EXOC3L2: variants seen among roughly 807,000 people sequenced by gnomAD.
The protein encoded by EXOC3L2 is exocyst complex component 3-like protein 2.
A neutral mutation model predicts 44.4 loss-of-function variants in EXOC3L2; 17 were observed. The observed-to-expected ratio is 0.38, with a 90% confidence interval of 0.26 to 0.57. The LOEUF is 0.57. EXOC3L2 is among the 20% of genes least tolerant of loss of function. EXOC3L2 has a pLI of 0.65. For missense variants in EXOC3L2, 541 were observed against 588.4 expected, an observed-to-expected ratio of 0.92 and a Z score of 0.83; for synonymous variants, 256 against 253.7, an observed-to-expected ratio of 1.01 and a Z score of -0.09.
chr19:45,219,007 G>A (rs111406553), intron 8 of EXOC3L2, among the ~76,000 whole-genome samples: 2,082 of 152,114 alleles, frequency 0.014, 47 homozygotes, highest in African/African-American at 0.047. Context: ...GGAAGGCTGC[G>A]GCGGGTGGAT....
In EXOC3L2 at chr19:45,234,469, G is replaced by A. The variant is rs1457472162; in HGVS notation, c.881C>T (p.Ala294Val). The A allele has an allele frequency of 4.0e-6, 1 of 252,608 alleles. No homozygotes were observed. Among genetic ancestry groups the A allele is most frequent in the Non-Finnish European group, 7.6e-6 (1 of 131,998 alleles). 15.6% of individuals were successfully genotyped at this position (252,608 alleles called of 1,614,324 possible). ...CTCTAGGCGCTCCCGGGCCGCGCGC[G>A]CCACGGCTTCGGCCCAGCGTGCGCG... is the stretch of plus-strand genomic sequence containing the variant. ...KLRARWAEAV[A>V]RAARERLEAA... Residue 294 changes from alanine (A) to valine (V), a missense_variant, in exon 3 of 12, where the codon GCG becomes GTG. Coordinates refer to ENST00000413988, the MANE Select transcript of EXOC3L2 (RefSeq NM_001382422.1). This position sits in a 1 kb window ranked among gnomAD's most constrained non-coding sequence, Gnocchi z 5.0.
chr19:45,237,231 G>A (rs1970091686), intron 2 of EXOC3L2, among the ~76,000 whole-genome samples: 1 of 152,114 alleles, frequency 6.6e-6, no homozygotes, highest in African/African-American at 2.4e-5. Context: ...CAGGCGCAGT[G>A]GCTCATGCCT....
Position 45,239,042 on chromosome 19 carries a change from G to A in EXOC3L2, c.4C>T (p.Pro2Ser). The A allele has an allele frequency of 2.5e-6, 1 of 399,148 alleles. No homozygotes were observed. 24.7% of individuals were successfully genotyped at this position (399,148 alleles called of 1,614,324 possible). The change falls in exon 2 of 12, where the codon CCT becomes TCT. Residue 2 changes from proline (P) to serine (S), a missense_variant. Coordinates refer to ENST00000413988, the MANE Select transcript of EXOC3L2 (RefSeq NM_001382422.1). ...GACACTCCCAGATTCTTCAGGATAG[G>A]CATTTTGACAGGTGGGGACCTGGGG... M[P>S]ILKNLGVSDP...
At chr19:45,217,466 T>C in intron 10 of EXOC3L2, 62 bp downstream of exon 10, 2 of 1,463,650 alleles carry the variant, frequency 1.4e-6, no homozygotes, top group Non-Finnish European at 1.8e-6. Flanking sequence ...GGACCTGAGA[T>C]TCTCGGAAGC....
chr19:45,218,978 C>A (rs2122960108), intron 8 of EXOC3L2, among the ~76,000 whole-genome samples: 1 of 152,124 alleles, frequency 6.6e-6, no homozygotes, highest in African/African-American at 2.4e-5. Flanking sequence ...GTGGCTCACG[C>A]CTGTAATCCT....
rs1384863312 is a variant in EXOC3L2 at position 45,216,129 on chromosome 19, G to A, written c.2064C>T (p.Asp688=). The change falls in exon 11 of 12, where the codon GAC becomes GAT. Residue 688 remains aspartate (D), a synonymous_variant. Transcript: ENST00000413988. ...PHLAEVMQLE[D]TPSIQVEVGV... is the part of the protein sequence containing the mutation. ...CCACCTCCACCTGGATGCTGGGCGT[G>A]TCTTCCAGCTGCATGACTTCAGCCA... The A allele has an allele frequency of 1.2e-6, 2 of 1,614,034 alleles. No individual in the cohort carries two copies. Among genetic ancestry groups the A allele is most frequent in the South Asian group, 1.1e-5 (1 of 91,076 alleles).
chr19:45,220,431 T>C (rs1163096823), intron 8 of EXOC3L2, among the ~76,000 whole-genome samples: 2 of 151,894 alleles, frequency 1.3e-5, no homozygotes, highest in Non-Finnish European at 2.9e-5. Flanking sequence ...GATCATGCCA[T>C]TGCACTCCAG....
chr19:45,224,717 TG>T, intron 8 of EXOC3L2, 60 bp downstream of exon 8: 4 of 1,515,146 alleles, frequency 2.6e-6, no homozygotes, highest in Non-Finnish European at 3.5e-6. Flanking sequence ...TGGAGGATGG[TG>T]GGGGGCAGCG....
intron 11 of EXOC3L2, 76 bp downstream of exon 11, chr19:45,215,997 C>A (rs1969829598): frequency 6.3e-7 from 1 of 1,585,616 alleles, no homozygotes; most frequent in East Asian, 2.3e-5. Context: ...AGGCAGGAAG[C>A]ACAGGGACGG....
In EXOC3L2 at chr19:45,217,553, T is replaced by C; in HGVS notation, c.1973A>G (p.Gln658Arg). The C allele has an allele frequency of 6.4e-7, 1 of 1,571,788 alleles. No homozygotes were observed. The highest frequency in any genetic ancestry group is 8.6e-7 in the Non-Finnish European group (1 of 1,165,932). Residue 658 changes from glutamine (Q) to arginine (R), a missense_variant, in exon 10 of 12, where the codon CAA becomes CGA. Gln to Arg is a conservative substitution (Grantham distance 43). Coordinates refer to ENST00000413988, the MANE Select transcript of EXOC3L2 (RefSeq NM_001382422.1). ...VAGRLREDAA[Q>R]LQRLFRRLES... is the part of the protein sequence containing the mutation. ...CAGCCGCCGGAACAGCCTCTGCAGTTGCGCCGCGTCCTCCCGGAGCCTGCC... is the reference window on the plus strand; with the variant it reads ...CAGCCGCCGGAACAGCCTCTGCAGTCGCGCCGCGTCCTCCCGGAGCCTGCC...
At position 45,227,967 on chromosome 19, in the gene EXOC3L2, C is replaced by T; in HGVS notation, c.1472+7G>A. 6.2e-7 allele frequency: 1 copy of T among 1,612,888 alleles called. No individual in the cohort carries two copies. The highest frequency in any genetic ancestry group is 8.5e-7 in the Non-Finnish European group (1 of 1,179,764). On this transcript the variant is annotated splice_region_variant and intron_variant, in intron 6 of 11. Coordinates refer to ENST00000413988, the MANE Select transcript of EXOC3L2 (RefSeq NM_001382422.1). ...CAGAGCTAACCTGTGCTCCCAGGTTCCCCTACCTCTGCAGGAACTCTGCCA... is the reference window on the plus strand; with the variant it reads ...CAGAGCTAACCTGTGCTCCCAGGTTTCCCTACCTCTGCAGGAACTCTGCCA...
At chr19:45,241,477 CAAA>C (rs554632176) in intron 1 of EXOC3L2, among the ~76,000 whole-genome samples, 40 of 94,806 alleles carry the variant, frequency 4.2e-4, no homozygotes, top group African/African-American at 9.4e-4. Flanking sequence ...GACTCCATCT[CAAA>C]AAAAAAAAAA....
intron 7 of EXOC3L2, among the ~76,000 whole-genome samples, chr19:45,225,544 A>G (rs1168289356): frequency 2.0e-5 from 3 of 151,794 alleles, no homozygotes; most frequent in Non-Finnish European, 2.9e-5. Flanking sequence ...CTGGGATTAC[A>G]GGCATGAGCC....
Position 45,216,062 on chromosome 19 carries a change from G to A in EXOC3L2, c.2120+11C>T, listed in dbSNP as rs1361570319. The A allele has an allele frequency of 2.5e-6, 4 of 1,613,252 alleles. No individual in the cohort carries two copies. Among genetic ancestry groups the A allele is most frequent in the Admixed American group, 1.7e-5 (1 of 59,938 alleles). On this transcript the variant is annotated intron_variant, in intron 11 of 11. Coordinates refer to ENST00000413988, the MANE Select transcript of EXOC3L2 (RefSeq NM_001382422.1). The stretch of plus-strand genomic sequence containing the variant: ...GGCACGGCGAGCCCTGGCCCAGGCG[G>A]GGTGTCTCACCTGATGTCTGGGTAG...
At chr19:45,225,496 C>T (rs1206322790) in intron 7 of EXOC3L2, among the ~76,000 whole-genome samples, 1 of 152,062 alleles carries the variant, frequency 6.6e-6, no homozygotes, top group Non-Finnish European at 1.5e-5. Flanking sequence ...TCTCGATCTC[C>T]TGACCTTGTG....
chr19:45,228,642 C>T (rs576910829), intron 4 of EXOC3L2, among the ~76,000 whole-genome samples: 3 of 151,160 alleles, frequency 2.0e-5, no homozygotes, highest in East Asian at 2.0e-4. Context: ...CGTGGTGGTG[C>T]GTGTCTGTAA....
rs1193070690 is a variant in EXOC3L2 at position 45,234,224 on chromosome 19, G to C, written c.1126C>G (p.Leu376Val). The C allele has an allele frequency of 5.0e-6, 2 of 397,088 alleles. No individual in the cohort carries two copies. The highest frequency in any genetic ancestry group is 2.1e-5 in the African/African-American group (1 of 48,540). The allele number at this position is 397,088 out of a possible 1,614,324, so 24.6% of individuals were successfully genotyped here. ...RRLPLADRYA[L>V]LHWHNQVYPR... Reference sequence around the variant, plus strand: ...TAGACCTGATTGTGCCAGTGCAGCAGCGCGTAGCGGTCGGCCAGCGGCAGC... The same window carrying C: ...TAGACCTGATTGTGCCAGTGCAGCACCGCGTAGCGGTCGGCCAGCGGCAGC... Residue 376 changes from leucine to valine, a missense_variant, in exon 3 of 12, where the codon CTG becomes GTG. Transcript: ENST00000413988. The surrounding 1 kb of genome is among the most constrained non-coding windows in gnomAD (Gnocchi z 5.0).
chr19:45,217,414 G>C, intron 10 of EXOC3L2, 114 bp downstream of exon 10: 1 of 1,284,226 alleles, frequency 7.8e-7, no homozygotes, highest in South Asian at 1.7e-5. Flanking sequence ...AGTTGGGTGA[G>C]AGTTTCTGTC....
Position 45,234,862 on chromosome 19 carries a change from G to A in EXOC3L2, c.524-36C>T, listed in dbSNP as rs550683676. ...AAAGCGGGAGGTCAGCAGTGCGCGGGGGGGAGGAGGGCGATGCCGGACGCG... is the reference window on the plus strand; with the variant it reads ...AAAGCGGGAGGTCAGCAGTGCGCGGAGGGGAGGAGGGCGATGCCGGACGCG... On this transcript the variant is annotated intron_variant, in intron 2 of 11. Coordinates refer to ENST00000413988, the MANE Select transcript of EXOC3L2 (RefSeq NM_001382422.1). This position sits in a 1 kb window ranked among gnomAD's most constrained non-coding sequence, Gnocchi z 5.0. 2.6e-6 allele frequency: 1 copy of A among 389,734 alleles called. No individual in the cohort carries two copies. Among genetic ancestry groups the A allele is most frequent in the East Asian group, 3.6e-5 (1 of 27,414 alleles). 24.1% of individuals were successfully genotyped at this position (389,734 alleles called of 1,614,324 possible).
Sources: allele counts gnomAD v4.1 joint callset (sites outside exome capture counted in the v4.1 genomes callset), GRCh38; gene constraint gnomAD v4.1.1; non-coding constraint Gnocchi (gnomAD v3.1); transcripts MANE v1.5; gene names NCBI Gene and HGNC (gene_info 2026-07-23, HGNC 2026-07-21).